ZRSR2: variants seen among roughly 807,000 people sequenced by gnomAD.
The protein encoded by ZRSR2 is U2 small nuclear ribonucleoprotein auxiliary factor 35 kDa subunit-related protein 2.
A neutral mutation model predicts 39.4 loss-of-function variants in ZRSR2; 3 were observed. The ratio of observed to expected loss-of-function variants is 0.08; its 90% CI spans 0.03 to 0.20. The LOEUF (loss-of-function observed/expected upper bound fraction) is 0.20, where lower values mean the gene tolerates loss of function less well. Among genes scored for constraint, ZRSR2 ranks in the 10% least tolerant of loss-of-function variants. ZRSR2 has a pLI of 1.00. For synonymous variants in ZRSR2, 137 were observed against 136.0 expected (o/e 1.01, Z -0.05); for missense variants, 256 against 391.5 (o/e 0.65, Z 2.92).
At chrX:15,797,671 A>C (rs928668452) in intron 2 of ZRSR2, among the ~76,000 whole-genome samples, 3 of 110,587 alleles carry the variant, frequency 2.7e-5, no homozygotes, top group African/African-American at 6.6e-5. Flanking sequence ...AATTGTTGCA[A>C]ATATCCCCTA....
At chrX:15,798,642 A>G (rs1010875187) in intron 2 of ZRSR2, among the ~76,000 whole-genome samples, 3 of 111,430 alleles carry the variant, frequency 2.7e-5, no homozygotes, top group Admixed American at 9.6e-5. Flanking sequence ...AAGTAATTCA[A>G]TGGTATCATA....
chrX:15,795,030 A>G lies in ZRSR2; in HGVS notation c.121+4017A>G, dbSNP rs1334238239. 2.7e-5 allele frequency among the ~76,000 whole-genome samples: 3 copies of G among 109,921 alleles called. No individual in the cohort carries two copies. In the East Asian group the frequency reaches 8.6e-4, roughly 32 times the overall value. ...TGTTAACTACTCTGGTGTGTCTGTT[A>G]GCTCTTGAATTTCTTCAAGATATCT... On this transcript the variant is annotated intron_variant, in intron 2 of 10. Coordinates refer to ENST00000307771, the MANE Select transcript of ZRSR2 (RefSeq NM_005089.4).
At chrX:15,810,006 G>A (rs986155630) in intron 7 of ZRSR2, among the ~76,000 whole-genome samples, 16 of 111,621 alleles carry the variant, frequency 1.4e-4, no homozygotes, top group African/African-American at 4.9e-4. Context: ...GTGTGCCTTC[G>A]TTCTCTCATC....
At chrX:15,816,427 CT>C (rs1156536010) in intron 8 of ZRSR2, among the ~76,000 whole-genome samples, 4 of 111,740 alleles carry the variant, frequency 3.6e-5, no homozygotes, top group African/African-American at 6.5e-5. Context: ...TAACCCCCTT[CT>C]TTTTTTTACA....
chrX:15,791,511 G>A (rs1383766499), intron 2 of ZRSR2, among the ~76,000 whole-genome samples: 2 of 110,999 alleles, frequency 1.8e-5, no homozygotes, highest in African/African-American at 6.6e-5. Context: ...GTCTTGTTCT[G>A]TTGCCCAGGA....
intron 3 of ZRSR2, chrX:15,801,799 A>T (rs1932682070): frequency 8.9e-6 from 1 of 112,218 alleles, no homozygotes; most frequent in South Asian, 3.7e-4. Flanking sequence ...AATCACATAC[A>T]TGTATCTTTG....
intron 9 of ZRSR2, among the ~76,000 whole-genome samples, chrX:15,819,172 G>A (rs1933042387): frequency 9.0e-6 from 1 of 111,228 alleles, no homozygotes; most frequent in African/African-American, 3.3e-5. Context: ...AATATAGAAT[G>A]GATGTGAAAA....
At chrX:15,807,133 G>T (rs964673137) in intron 5 of ZRSR2, among the ~76,000 whole-genome samples, 1 of 111,844 alleles carries the variant, frequency 8.9e-6, no homozygotes, top group South Asian at 3.7e-4. Flanking sequence ...TGCCAATTAG[G>T]TAGAAATTTA....
chrX:15,818,749 A>G, intron 9 of ZRSR2, 107 bp downstream of exon 9: 1 of 619,930 alleles, frequency 1.6e-6, no homozygotes. Flanking sequence ...CATGTATTTT[A>G]TTTCTTATGT....
chrX:15,796,179 C>T (rs1330267809), intron 2 of ZRSR2, among the ~76,000 whole-genome samples: 1 of 111,282 alleles, frequency 9.0e-6, no homozygotes, highest in East Asian at 2.8e-4. Flanking sequence ...CAGACACGCA[C>T]CACCGCGCCC....
intron 7 of ZRSR2, among the ~76,000 whole-genome samples, chrX:15,813,092 T>C (rs761973078): frequency 3.6e-5 from 4 of 112,121 alleles, no homozygotes; most frequent in Non-Finnish European, 7.5e-5. Context: ...ACAAAGGTAA[T>C]GCGTACCAGG....
In ZRSR2 at chrX:15,799,453, CT is replaced by C. The variant is rs781082388; in HGVS notation, c.122-401del. On this transcript the variant is annotated intron_variant, in intron 2 of 10. Transcript: ENST00000307771. Reference sequence around the variant, plus strand: ...ATGTTCCCTTCCACACCCCCACCACCTTTTTTTTTTTTTTTTTTGAGATGGA... The same window carrying C: ...ATGTTCCCTTCCACACCCCCACCACCTTTTTTTTTTTTTTTTTGAGATGGA... Among the ~76,000 whole-genome samples, 722 of 93,471 alleles carry C rather than the reference CT, an allele frequency of 7.7e-3. 4 individuals carry two copies. The highest frequency in any genetic ancestry group is 0.027 in the Admixed American group (225 of 8,426). The allele number at this position is 93,471 out of a possible 115,157, so 81.2% of individuals were successfully genotyped here.
intron 10 of ZRSR2, among the ~76,000 whole-genome samples, chrX:15,820,584 G>A (rs1933082685): frequency 8.9e-6 from 1 of 112,028 alleles, no homozygotes; most frequent in African/African-American, 3.2e-5. Context: ...TTCAGTCCTG[G>A]GCTCTGTGTC....
chrX:15,803,409 GT>G (rs1289126895), intron 3 of ZRSR2, among the ~76,000 whole-genome samples: 1 of 111,811 alleles, frequency 8.9e-6, no homozygotes, highest in Non-Finnish European at 1.9e-5. Context: ...GAAAGTCATA[GT>G]GTCCTTTTTT....
intron 2 of ZRSR2, among the ~76,000 whole-genome samples, chrX:15,798,037 T>G (rs1011437653): frequency 2.7e-5 from 3 of 112,459 alleles, no homozygotes; most frequent in African/African-American, 9.7e-5. Context: ...TCTGAACAAT[T>G]AGATACTATT....
chrX:15,792,816 C>T (rs902211274), intron 2 of ZRSR2, among the ~76,000 whole-genome samples: 4 of 112,552 alleles, frequency 3.6e-5, no homozygotes, highest in Non-Finnish European at 5.6e-5. Flanking sequence ...GATTGTCATC[C>T]GCATTATCCA....
intron 3 of ZRSR2, among the ~76,000 whole-genome samples, chrX:15,802,710 C>T (rs970067255): frequency 3.1e-4 from 35 of 111,272 alleles, no homozygotes; most frequent in Non-Finnish European, 6.0e-4. Context: ...CCGCCCGCCT[C>T]AGCCTCCCAA....
At chrX:15,791,626 C>T (rs1262871180) in intron 2 of ZRSR2, among the ~76,000 whole-genome samples, 1 of 106,466 alleles carries the variant, frequency 9.4e-6, no homozygotes, top group Non-Finnish European at 1.9e-5. Context: ...TTCACCACCA[C>T]ACCTGGCTAA....
chrX:15,818,492 A>G, intron 8 of ZRSR2, 95 bp from the exon 9 acceptor site: 1 of 785,282 alleles, frequency 1.3e-6, no homozygotes. Flanking sequence ...ATTGGTAACT[A>G]CTTTGGGGAA....
Sources: gnomAD v4.1 joint callset for allele counts (sites outside exome capture counted in the v4.1 genomes callset) on GRCh38, gnomAD v4.1.1 for gene constraint, MANE v1.5 for transcripts, NCBI Gene and HGNC (gene_info 2026-07-23, HGNC 2026-07-21) for gene names.